SMYD3: variants seen among roughly 807,000 people sequenced by gnomAD.
SMYD3 encodes SET and MYND domain containing 3, also known as histone-lysine N-methyltransferase SMYD3.
Under a neutral mutation model 57.7 loss-of-function variants are expected in SMYD3, and 36 were observed. The ratio of observed to expected loss-of-function variants is 0.62; its 90% confidence interval spans 0.48 to 0.82. The LOEUF (loss-of-function observed/expected upper bound fraction) is 0.82. Ranked by LOEUF, SMYD3 falls within the 40% of genes least tolerant of loss-of-function variation. The pLI is 0.00. For missense variants in SMYD3, 515 were observed against 538.8 expected (o/e 0.96, Z 0.44); for synonymous variants, 211 against 195.0 (o/e 1.08, Z -0.68).
At chr1:246,450,541 T>C (rs761522148) in intron 1 of SMYD3, among the ~76,000 whole-genome samples, 1 of 152,214 alleles carries the variant, frequency 6.6e-6, no homozygotes, top group Non-Finnish European at 1.5e-5. Flanking sequence ...TGTATGCATT[T>C]GTCGGAATTC....
intron 10 of SMYD3, among the ~76,000 whole-genome samples, chr1:245,768,643 C>A (rs1330963982): frequency 6.6e-6 from 1 of 152,146 alleles, no homozygotes; most frequent in Non-Finnish European, 1.5e-5. Flanking sequence ...GGAGGTCCGG[C>A]CTTTAAGAGG....
At chr1:245,817,252 C>G (rs2048886640) in intron 10 of SMYD3, among the ~76,000 whole-genome samples, 1 of 144,722 alleles carries the variant, frequency 6.9e-6, no homozygotes, top group Non-Finnish European at 1.5e-5. Flanking sequence ...GACCCCCGAG[C>G]AGCCTAACTG....
chr1:246,185,369 T>C (rs1351134089), intron 5 of SMYD3, among the ~76,000 whole-genome samples: 1 of 151,332 alleles, frequency 6.6e-6, no homozygotes, highest in African/African-American at 2.4e-5. Flanking sequence ...CCTGAGTAGC[T>C]GGGACTGCAG....
chr1:246,191,419 T>C (rs2062737228), intron 5 of SMYD3, among the ~76,000 whole-genome samples: 1 of 152,214 alleles, frequency 6.6e-6, no homozygotes, highest in African/African-American at 2.4e-5. Context: ...ACAAGTTATG[T>C]AAGGTTTTGT....
chr1:246,283,412 G>C (rs1180744604), intron 5 of SMYD3, among the ~76,000 whole-genome samples: 1 of 152,106 alleles, frequency 6.6e-6, no homozygotes, highest in East Asian at 1.9e-4. Context: ...TCTGAACAAA[G>C]AGAAAGGACC....
chr1:246,116,181 A>G (rs1257222353), intron 5 of SMYD3, among the ~76,000 whole-genome samples: 1 of 146,482 alleles, frequency 6.8e-6, no homozygotes, highest in East Asian at 2.0e-4. Context: ...GTAATCCTAT[A>G]CCTCAAGCAC....
intron 1 of SMYD3, among the ~76,000 whole-genome samples, chr1:246,360,519 C>T (rs1283468061): frequency 1.3e-5 from 2 of 151,954 alleles, no homozygotes. Context: ...GCAAAAAGAA[C>T]AAATCTGGAG....
intron 8 of SMYD3, among the ~76,000 whole-genome samples, chr1:245,871,908 A>G (rs2052215424): frequency 6.6e-6 from 1 of 152,166 alleles, no homozygotes; most frequent in South Asian, 2.1e-4. Flanking sequence ...ATGGTGGAGG[A>G]GGGAGCACAT....
chr1:245,764,063 T>G lies in SMYD3; in HGVS notation c.1163A>C (p.Gln388Pro). The part of the protein sequence containing the change: ...KLQLHQGMFP[Q>P]AMKNLRLAFD... ...CACCAGTCTCAGATTCTTCATTGCT[T>G]GGGGAAACATGCCTTGATGTAGCTG... Residue 388 changes from glutamine (Q) to proline (P), a missense_variant, in exon 11 of 12, where the codon CAA (glutamine) becomes CCA (proline). Gln to Pro is a moderately conservative substitution (Grantham distance 76, BLOSUM62 -1). Coordinates refer to ENST00000490107, the MANE Select transcript of SMYD3 (RefSeq NM_001167740.2). The G allele has an allele frequency of 6.2e-7, 1 of 1,613,864 alleles. No individual in the cohort carries two copies. Among genetic ancestry groups the G allele is most frequent in the Non-Finnish European group, 8.5e-7 (1 of 1,179,780 alleles).
intron 5 of SMYD3, among the ~76,000 whole-genome samples, chr1:246,182,633 G>T (rs1233136859): frequency 6.6e-6 from 1 of 152,150 alleles, no homozygotes; most frequent in Non-Finnish European, 1.5e-5. Context: ...AAACAGTTAG[G>T]TGCACTTTGT....
intron 5 of SMYD3, among the ~76,000 whole-genome samples, chr1:246,266,488 G>A (rs1037241252): frequency 3.3e-5 from 5 of 151,942 alleles, no homozygotes; most frequent in African/African-American, 4.8e-5. Context: ...ATGTTCCAAC[G>A]GTACCTGGTA....
intron 1 of SMYD3, among the ~76,000 whole-genome samples, chr1:246,377,237 T>A (rs1288311356): frequency 6.6e-6 from 1 of 152,068 alleles, no homozygotes; most frequent in Non-Finnish European, 1.5e-5. Flanking sequence ...TTTTTGATAA[T>A]CCTTTTAATG....
intron 5 of SMYD3, among the ~76,000 whole-genome samples, chr1:245,933,603 G>T (rs1201765113): frequency 1.3e-5 from 2 of 152,096 alleles, no homozygotes; most frequent in African/African-American, 4.8e-5. Flanking sequence ...TATGTCATTT[G>T]GTTCAGAGTC....
chr1:246,053,386 G>GA (rs202160570), intron 5 of SMYD3, among the ~76,000 whole-genome samples: 1 of 147,030 alleles, frequency 6.8e-6, no homozygotes, highest in African/African-American at 2.5e-5. Flanking sequence ...TTTAAAGAGA[G>GA]AAAAAAAAAA....
intron 5 of SMYD3, among the ~76,000 whole-genome samples, chr1:246,061,562 A>G (rs977058753): frequency 6.6e-6 from 1 of 151,890 alleles, no homozygotes; most frequent in African/African-American, 2.4e-5. Flanking sequence ...TACTTAAAAA[A>G]AAAAAAAGAA....
At chr1:245,807,659 T>C (rs2048252803) in intron 10 of SMYD3, among the ~76,000 whole-genome samples, 1 of 152,000 alleles carries the variant, frequency 6.6e-6, no homozygotes, top group Non-Finnish European at 1.5e-5. Context: ...CAAATAAAAT[T>C]AAAACTCACC....
chr1:246,133,512 T>C (rs745704682), intron 5 of SMYD3, among the ~76,000 whole-genome samples: 32 of 152,138 alleles, frequency 2.1e-4, no homozygotes, highest in Non-Finnish European at 3.5e-4. Flanking sequence ...CTTCAGTTTT[T>C]AATATAGTTT....
intron 5 of SMYD3, among the ~76,000 whole-genome samples, chr1:246,008,237 T>C (rs2059210943): frequency 6.6e-6 from 1 of 152,216 alleles, no homozygotes; most frequent in Non-Finnish European, 1.5e-5. Context: ...AACCTGTGCA[T>C]TGTATTCTGA....
rs71299006 is a variant in SMYD3 at position 246,273,135 on chromosome 1, C to CTTTTTTTTTTTTTTTTT, written c.531+54049_531+54065dup. ...TGATTCATAATAATGTCCCTGTTTT[C>CTTTTTTTTTTTTTTTTT]TTTTTTTTTTTTTTTTTCTTTTTTT... On this transcript the variant is annotated intron_variant, in intron 5 of 11. Transcript: ENST00000490107. Among the ~76,000 whole-genome samples the CTTTTTTTTTTTTTTTTT allele has an allele frequency of 1.1e-3, 114 of 107,578 alleles. 2 individuals are homozygous for CTTTTTTTTTTTTTTTTT. Among genetic ancestry groups the CTTTTTTTTTTTTTTTTT allele is most frequent in the African/African-American group, 2.4e-3 (65 of 27,378 alleles). The allele number at this position is 107,578 out of a possible 152,430, so 70.6% of individuals were successfully genotyped here. A position where few individuals can be genotyped will look rare whatever the true frequency, so the allele number is the denominator to read the frequency against.
Sources: gnomAD v4.1 joint callset for allele counts (sites outside exome capture counted in the v4.1 genomes callset) on GRCh38, gnomAD v4.1.1 for gene constraint, MANE v1.5 for transcripts, NCBI Gene and HGNC (gene_info 2026-07-23, HGNC 2026-07-21) for gene names.